Variants in BATF3 observed in about 807,000 individuals in gnomAD.
BATF3 encodes the protein basic leucine zipper ATF-like transcription factor 3, also known as basic leucine zipper transcriptional factor ATF-like 3.
BATF3 carries 8 observed loss-of-function variants against 16.1 expected under a neutral mutation model. The ratio of observed to expected loss-of-function variants is 0.50; its 90% CI spans 0.29 to 0.90. The LOEUF (loss-of-function observed/expected upper bound fraction) is 0.90. Among genes scored for constraint, BATF3 ranks in the 40% least tolerant of loss-of-function variants. The pLI, the probability that BATF3 is intolerant of heterozygous loss-of-function variation, is 0.08. For missense variants in BATF3, 139 were observed against 167.0 expected, an observed-to-expected ratio of 0.83 and a Z score of 0.92; for synonymous variants, 74 against 72.7, an observed-to-expected ratio of 1.02 and a Z score of -0.09.
chr1:212,690,892 G>C (rs1359471304), intron 2 of BATF3, among the ~76,000 whole-genome samples: 6 of 152,228 alleles, frequency 3.9e-5, no homozygotes, highest in Non-Finnish European at 5.9e-5. Flanking sequence ...ATCTCAAGTA[G>C]GGCAATTGTG....
At chr1:212,688,531 AT>A (rs1013020953) in intron 2 of BATF3, among the ~76,000 whole-genome samples, 10 of 152,214 alleles carry the variant, frequency 6.6e-5, no homozygotes, top group African/African-American at 9.7e-5. Flanking sequence ...TCTCCACTGA[AT>A]TTCATTCCTT....
intron 2 of BATF3, among the ~76,000 whole-genome samples, chr1:212,694,653 C>A (rs1208385863): frequency 1.3e-5 from 2 of 152,228 alleles, no homozygotes; most frequent in African/African-American, 4.8e-5. Flanking sequence ...AATACAGGGC[C>A]ATGCACTAAC....
intron 2 of BATF3, among the ~76,000 whole-genome samples, chr1:212,696,366 G>T (rs946962916): frequency 8.5e-5 from 13 of 152,102 alleles, no homozygotes; most frequent in African/African-American, 3.1e-4. Flanking sequence ...CAGAAAGAGA[G>T]TCCTGGATAG....
chr1:212,693,644 C>T (rs12408307), intron 2 of BATF3, among the ~76,000 whole-genome samples: 9 of 152,092 alleles, frequency 5.9e-5, no homozygotes, highest in Admixed American at 1.3e-4. Context: ...GGAGAGCAGG[C>T]CAGGGACCCT....
At chr1:212,690,541 G>C (rs556310754) in intron 2 of BATF3, among the ~76,000 whole-genome samples, 2 of 152,332 alleles carry the variant, frequency 1.3e-5, no homozygotes, top group East Asian at 3.9e-4. Flanking sequence ...AAAATAACAA[G>C]AGGAGCTGGG....
intron 2 of BATF3, among the ~76,000 whole-genome samples, chr1:212,693,282 CAGA>C (rs1215245334): frequency 6.6e-6 from 1 of 152,178 alleles, no homozygotes; most frequent in Non-Finnish European, 1.5e-5. Context: ...TTTGGTTCTG[CAGA>C]AGGTTTGGGA....
At chr1:212,693,653 C>A (rs1460266699) in intron 2 of BATF3, among the ~76,000 whole-genome samples, 1 of 152,132 alleles carries the variant, frequency 6.6e-6, no homozygotes, top group Non-Finnish European at 1.5e-5. Context: ...GCCAGGGACC[C>A]TACAGAAGAG....
intron 2 of BATF3, 62 bp downstream of exon 2, chr1:212,696,899 C>T (rs1373050287): frequency 3.3e-6 from 4 of 1,222,906 alleles, no homozygotes; most frequent in Non-Finnish European, 2.4e-6. Context: ...TCATCACCCC[C>T]ACTCCCGTGC....
chr1:212,695,565 C>A (rs188811053), intron 2 of BATF3, among the ~76,000 whole-genome samples: 19 of 150,416 alleles, frequency 1.3e-4, no homozygotes, highest in Admixed American at 2.0e-4. Context: ...ATTGCTTGAG[C>A]CTGGGAGGTG....
chr1:212,688,248 C>G (rs1656910279), intron 2 of BATF3, among the ~76,000 whole-genome samples: 2 of 152,094 alleles, frequency 1.3e-5, no homozygotes, highest in African/African-American at 4.8e-5. Context: ...TTGCATCAGG[C>G]TCTTCTTTGC....
intron 2 of BATF3, among the ~76,000 whole-genome samples, 162 bp downstream of exon 2, chr1:212,696,799 C>T (rs1048801992): frequency 6.6e-6 from 1 of 152,150 alleles, no homozygotes; most frequent in East Asian, 1.9e-4. Flanking sequence ...GAAATGAACA[C>T]GTCCGTGAGC....
In BATF3 at chr1:212,689,866, TACAC is replaced by T. The variant is rs72010326; in HGVS notation, c.196-2891_196-2888del. On this transcript the variant is annotated intron_variant, in intron 2 of 2. Transcript: ENST00000243440. This position sits in a 1 kb window ranked among gnomAD's most constrained non-coding sequence, Gnocchi z 4.6. ...ACACAACCACAGACACACACACAGATACACACAGTCACACACACATCTGCAAACA... is the reference window on the plus strand; with the variant it reads ...ACACAACCACAGACACACACACAGATACAGTCACACACACATCTGCAAACA... Among the ~76,000 whole-genome samples, 36 of 149,832 alleles carry T rather than the reference TACAC, an allele frequency of 2.4e-4. No homozygotes were observed. Among genetic ancestry groups the T allele is most frequent in the African/African-American group, 8.4e-4 (34 of 40,670 alleles).
chr1:212,690,143 A>G (rs1178316230), intron 2 of BATF3, among the ~76,000 whole-genome samples: 1 of 152,244 alleles, frequency 6.6e-6, no homozygotes, highest in Non-Finnish European at 1.5e-5. Flanking sequence ...TGGAGAGTAC[A>G]TTTGAATAGT....
chr1:212,697,094 G>A, intron 1 of BATF3, 29 bp from the exon 2 acceptor site: 1 of 1,574,958 alleles, frequency 6.3e-7, no homozygotes, highest in Non-Finnish European at 8.7e-7. Context: ...TGGGTGTGAT[G>A]TCGTGGCCCC....
At chr1:212,698,949 G>A (rs1352968267) in intron 1 of BATF3, among the ~76,000 whole-genome samples, 2 of 152,252 alleles carry the variant, frequency 1.3e-5, no homozygotes, top group Non-Finnish European at 2.9e-5. Context: ...CCCAAACTCA[G>A]ATCTCTGTGA....
At chr1:212,695,280 G>T (rs1657097467) in intron 2 of BATF3, among the ~76,000 whole-genome samples, 1 of 152,048 alleles carries the variant, frequency 6.6e-6, no homozygotes. Flanking sequence ...GAATCACGAG[G>T]TGAGGAGTTC....
chr1:212,698,288 T>C (rs61609997), intron 1 of BATF3: 1 of 152,156 alleles, frequency 6.6e-6, no homozygotes, highest in African/African-American at 2.4e-5. Context: ...TAGTTTTGTC[T>C]CTTAGTGTCA....
chr1:212,697,661 C>G (rs1020413019), intron 1 of BATF3: 1 of 152,240 alleles, frequency 6.6e-6, no homozygotes, highest in Non-Finnish European at 1.5e-5. Context: ...CTCATTTGAA[C>G]AATGCTTGGC....
intron 2 of BATF3, among the ~76,000 whole-genome samples, chr1:212,693,907 GA>G (rs776443015): frequency 2.2e-4 from 33 of 152,160 alleles, no homozygotes; most frequent in Non-Finnish European, 2.9e-5. Flanking sequence ...CTAATCTCTT[GA>G]ACCTGCGACT....
Sources: allele counts gnomAD v4.1 joint callset (sites outside exome capture counted in the v4.1 genomes callset), GRCh38; gene constraint gnomAD v4.1.1; non-coding constraint Gnocchi (gnomAD v3.1); transcripts MANE v1.5; gene names NCBI Gene and HGNC (gene_info 2026-07-23, HGNC 2026-07-21).